The following LRP1B variants were observed in gnomAD, a reference collection of about 807,000 sequenced individuals.
LRP1B encodes the protein low-density lipoprotein receptor-related protein 1B.
Under a neutral mutation model 556.6 loss-of-function variants are expected in LRP1B, and 217 were observed. That is an observed-to-expected ratio of 0.39 (90% CI 0.35 to 0.44). LRP1B has a LOEUF of 0.44. Among genes scored for constraint, LRP1B ranks in the 20% least tolerant of loss-of-function variants. The pLI is 1.00. For synonymous variants in LRP1B, 2,047 were observed against 1,865.8 expected (o/e 1.10, Z -2.50); for missense variants, 5,053 against 5,620.8 (o/e 0.90, Z 3.23).
chr2:140,461,992 T>G (rs1687345103), intron 60 of LRP1B, among the ~76,000 whole-genome samples: 1 of 152,198 alleles, frequency 6.6e-6, no homozygotes, highest in Admixed American at 6.5e-5. Context: ...ACTTGAGTTA[T>G]AAAGAGTTTA....
rs1187018129 is a variant in LRP1B at position 140,883,901 on chromosome 2, G to T, written c.4085C>A (p.Ala1362Asp). 6.2e-7 allele frequency: 1 copy of T among 1,613,578 alleles called. No homozygotes were observed. The highest frequency in any genetic ancestry group is 8.5e-7 in the Non-Finnish European group (1 of 1,179,866). Reference sequence around the variant, plus strand: ...AGTTCTTAGGGAGCCATCTAGTTTGGCCACTTCGATTTGGTCCAGATTGCT... The same window carrying T: ...AGTTCTTAGGGAGCCATCTAGTTTGTCCACTTCGATTTGGTCCAGATTGCT... ...IDSNLDQIEVAKLDGSLRTTL... is the reference protein window; with the variant it reads ...IDSNLDQIEVDKLDGSLRTTL... Residue 1362 changes from alanine (A) to aspartate (D), a missense_variant, in exon 25 of 91, where the codon GCC becomes GAC. This residue lies in a region of LRP1B where 3,619 missense variants were observed against 3,931.9 expected (regional missense o/e 0.92). Coordinates refer to ENST00000389484, the MANE Select transcript of LRP1B (RefSeq NM_018557.3).
chr2:141,604,586 C>A (rs1029610093), intron 2 of LRP1B, among the ~76,000 whole-genome samples: 3 of 152,138 alleles, frequency 2.0e-5, no homozygotes, highest in African/African-American at 7.2e-5. Flanking sequence ...TCAACCTTCA[C>A]CTATTTTACA....
chr2:141,107,419 G>A (rs575489491), intron 7 of LRP1B, among the ~76,000 whole-genome samples: 17 of 152,204 alleles, frequency 1.1e-4, no homozygotes, highest in Middle Eastern at 3.4e-3. Context: ...AGGCTGAGGC[G>A]GGTGGATCAC....
At chr2:141,671,823 C>CT (rs11436397) in intron 2 of LRP1B, among the ~76,000 whole-genome samples, 52,148 of 146,234 alleles carry the variant, frequency 0.36, 10,173 homozygotes, top group East Asian at 0.65. Flanking sequence ...ACCCATCAAA[C>CT]TTTTTTTTTT....
At chr2:140,544,493 G>T (rs1680253209) in intron 43 of LRP1B, among the ~76,000 whole-genome samples, 2 of 152,084 alleles carry the variant, frequency 1.3e-5, no homozygotes, top group African/African-American at 2.4e-5. Context: ...CCTCCAGTGG[G>T]TCCCAGTGTC....
chr2:141,137,096 T>C (rs1453217882), intron 7 of LRP1B, among the ~76,000 whole-genome samples: 2 of 151,968 alleles, frequency 1.3e-5, no homozygotes, highest in East Asian at 3.9e-4. Flanking sequence ...GAAATGAGAA[T>C]TGAAAAAGAT....
chr2:141,535,541 A>T (rs927930443), intron 2 of LRP1B, among the ~76,000 whole-genome samples: 17 of 97,606 alleles, frequency 1.7e-4, no homozygotes, highest in South Asian at 1.1e-3. Context: ...CAATGGTATA[A>T]AAAAAAAAAA....
intron 18 of LRP1B, among the ~76,000 whole-genome samples, chr2:140,967,402 T>G (rs2105324020): frequency 6.6e-6 from 1 of 152,038 alleles, no homozygotes; most frequent in East Asian, 1.9e-4. Flanking sequence ...ATCCTGAGAC[T>G]TTGCTGAAGT....
intron 2 of LRP1B, among the ~76,000 whole-genome samples, chr2:141,794,304 G>A (rs566831165): frequency 6.6e-5 from 10 of 151,910 alleles, no homozygotes; most frequent in Non-Finnish European, 1.5e-4. Flanking sequence ...GATATCAGGA[G>A]AGGCTTATTA....
intron 5 of LRP1B, among the ~76,000 whole-genome samples, chr2:141,245,755 A>G (rs1042030619): frequency 6.6e-6 from 1 of 152,346 alleles, no homozygotes; most frequent in Non-Finnish European, 1.5e-5. Flanking sequence ...TGTAGAAACT[A>G]CAGGGTTTAT....
intron 86 of LRP1B, among the ~76,000 whole-genome samples, chr2:140,255,316 A>G (rs1380414353): frequency 6.6e-6 from 1 of 152,178 alleles, no homozygotes; most frequent in Non-Finnish European, 1.5e-5. Flanking sequence ...AAATTGATTC[A>G]GGAGGTAGAG....
rs1691476014 is a variant in LRP1B, at chr2:141,690,401, ATATATATATATATATATATAT to A, written c.205+119857_205+119877del. Among the ~76,000 whole-genome samples the A allele has an allele frequency of 2.0e-4, 22 of 107,546 alleles. 1 individual carries two copies. Among genetic ancestry groups the A allele is most frequent in the Middle Eastern group, 5.3e-3 (1 of 188 alleles). 70.6% of individuals were successfully genotyped at this position (107,546 alleles called of 152,430 possible). ...GAAAAGGGATTACATCTATAAATAT[ATATATATATATATATATATAT>A]ATATATATATATATATATAATTACA... On this transcript the variant is annotated intron_variant, in intron 2 of 90. Transcript: ENST00000389484.
At position 141,071,307 on chromosome 2, in the gene LRP1B, G is replaced by C. The variant is rs1188562472; in HGVS notation, c.1014-9034C>G. Among the ~76,000 whole-genome samples, 881 of 149,454 alleles carry C rather than the reference G, an allele frequency of 5.9e-3. 12 individuals carry two copies. Among genetic ancestry groups the C allele is most frequent in the African/African-American group, 0.02 (808 of 40,526 alleles). On this transcript the variant is annotated intron_variant, in intron 7 of 90. Transcript: ENST00000389484. ...AAGGCCTTTGACAAAATTCAACAAC[G>C]CTTCATGCTAAAAACTCTCAATAAA...
intron 1 of LRP1B, among the ~76,000 whole-genome samples, chr2:141,848,962 T>C (rs1382342558): frequency 6.6e-6 from 1 of 151,566 alleles, no homozygotes; most frequent in Non-Finnish European, 1.5e-5. Flanking sequence ...ATGAAGATTA[T>C]CATCAGATAA....
At chr2:140,612,957 A>G (rs895096741) in intron 41 of LRP1B, among the ~76,000 whole-genome samples, 2 of 151,202 alleles carry the variant, frequency 1.3e-5, no homozygotes, top group Admixed American at 6.6e-5. Context: ...TTCAGTCTTG[A>G]CTTGGGGATT....
intron 2 of LRP1B, among the ~76,000 whole-genome samples, chr2:141,632,302 C>T (rs1400971191): frequency 6.6e-6 from 1 of 152,080 alleles, no homozygotes; most frequent in African/African-American, 2.4e-5. Context: ...TTAATATTAG[C>T]AAATTGATAT....
intron 3 of LRP1B, among the ~76,000 whole-genome samples, chr2:141,294,440 A>T (rs1686101200): frequency 6.6e-6 from 1 of 152,158 alleles, no homozygotes; most frequent in South Asian, 2.1e-4. Context: ...AACCTAAAAC[A>T]GGTTGGGTGC....
In LRP1B at chr2:140,903,177, G is replaced by T. The variant is rs573692661; in HGVS notation, c.3521-12C>A. On this transcript the variant is annotated splice_polypyrimidine_tract_variant and intron_variant, in intron 22 of 90. Transcript: ENST00000389484. ...CAGCGAACACTCATCTATAAAAAGG[G>T]GGGAACAGATTATAGGTCTTATCAA... The T allele has an allele frequency of 1.8e-5, 29 of 1,611,602 alleles. No individual in the cohort carries two copies. The South Asian group carries it at 3.1e-4, about 17-fold the overall frequency.
chr2:141,546,294 G>A (rs899479501), intron 2 of LRP1B, among the ~76,000 whole-genome samples: 1 of 152,080 alleles, frequency 6.6e-6, no homozygotes, highest in African/African-American at 2.4e-5. Context: ...TTACAGATGA[G>A]GTAACTCATG....
Sources: gnomAD v4.1 joint callset for allele counts (sites outside exome capture counted in the v4.1 genomes callset) on GRCh38, gnomAD v4.1.1 for gene constraint, gnomAD v4.1.1 regional missense constraint, MANE v1.5 for transcripts, NCBI Gene and HGNC (gene_info 2026-07-23, HGNC 2026-07-21) for gene names.